USP46: variants seen among roughly 807,000 people sequenced by gnomAD.
USP46 encodes ubiquitin specific peptidase 46.
Under a neutral mutation model 44.4 loss-of-function variants are expected in USP46, and 12 were observed. That is an observed-to-expected ratio of 0.27 (90% CI 0.17 to 0.44). The LOEUF is 0.44. USP46 is among the 20% of genes least tolerant of loss of function. The pLI, the probability that USP46 is intolerant of heterozygous loss-of-function variation, is 1.00. For synonymous variants in USP46, 155 were observed against 161.5 expected (o/e 0.96, Z 0.31); for missense variants, 248 against 444.8 (o/e 0.56, Z 3.98).
At chr4:52,609,898 C>CTTTTTTTTTTTTTTTTTTTTTTTTTTT in intron 5 of USP46, among the ~76,000 whole-genome samples, 1 of 24,588 alleles carries the variant, frequency 4.1e-5, no homozygotes, top group Non-Finnish European at 8.2e-5. Context: ...AATTCTATTT[C>CTTTTTTTTTTTTTTTTTTTTTTTTTTT]TTTTTTTTTT....
intron 1 of USP46, among the ~76,000 whole-genome samples, chr4:52,642,795 A>G (rs1718395522): frequency 6.6e-6 from 1 of 152,210 alleles, no homozygotes; most frequent in Admixed American, 6.5e-5. Flanking sequence ...TTAAAATGCT[A>G]AAAGAGAAAA....
At chr4:52,613,766 G>T (rs1219007237) in intron 4 of USP46, among the ~76,000 whole-genome samples, 1 of 150,500 alleles carries the variant, frequency 6.6e-6, no homozygotes, top group Admixed American at 6.6e-5. Flanking sequence ...ACAGAATCCA[G>T]AGTCTCTGCC....
At position 52,594,490 on chromosome 4, in the gene USP46, C is replaced by G. The variant is rs929719557; in HGVS notation, c.*3150G>C. The stretch of plus-strand genomic sequence containing the variant: ...AATTTTCCCTGACCCATGCCACTTA[C>G]ATGAGTTCATTACAATAGTGCTGAT... On this transcript the variant is annotated 3_prime_UTR_variant, in exon 9 of 9. Transcript: ENST00000441222. 1 of 152,218 alleles carries G rather than the reference C, an allele frequency of 6.6e-6. No individual in the cohort carries two copies. Among genetic ancestry groups the G allele is most frequent in the East Asian group, 1.9e-4 (1 of 5,208 alleles). 9.4% of individuals were successfully genotyped at this position (152,218 alleles called of 1,614,324 possible).
At chr4:52,650,208 C>T (rs1266376359) in intron 1 of USP46, among the ~76,000 whole-genome samples, 1 of 152,164 alleles carries the variant, frequency 6.6e-6, no homozygotes, top group African/African-American at 2.4e-5. Flanking sequence ...CAAACTGCCC[C>T]TAAATAAGAG....
At chr4:52,657,992 G>C (rs1560417201) in intron 1 of USP46, among the ~76,000 whole-genome samples, 1 of 152,224 alleles carries the variant, frequency 6.6e-6, no homozygotes, top group East Asian at 1.9e-4. Context: ...CCTTACACCA[G>C]GGCTTCTCCA....
intron 1 of USP46, 136 bp downstream of exon 1, chr4:52,658,979 G>A: frequency 2.7e-6 from 3 of 1,094,014 alleles, no homozygotes; most frequent in Non-Finnish European, 3.6e-6. Context: ...CGCCCAGCTC[G>A]GGGGCCGGGA....
chr4:52,623,835 A>C (rs1717473728), intron 4 of USP46, among the ~76,000 whole-genome samples: 1 of 152,106 alleles, frequency 6.6e-6, no homozygotes, highest in African/African-American at 2.4e-5. Flanking sequence ...CAGGAGAATC[A>C]CTTGAACCCG....
intron 1 of USP46, among the ~76,000 whole-genome samples, chr4:52,637,577 T>C (rs1365864779): frequency 6.6e-6 from 1 of 152,124 alleles, no homozygotes; most frequent in African/African-American, 2.4e-5. Context: ...TGCCCATCCA[T>C]CACTGTCCTA....
intron 1 of USP46, among the ~76,000 whole-genome samples, chr4:52,646,284 G>A (rs537374419): frequency 1.5e-4 from 23 of 152,230 alleles, no homozygotes; most frequent in Admixed American, 2.6e-4. Flanking sequence ...CCCGGCCCTC[G>A]GGAACCAGTC....
intron 1 of USP46, among the ~76,000 whole-genome samples, chr4:52,638,229 G>C (rs184784753): frequency 1.3e-5 from 2 of 152,236 alleles, no homozygotes; most frequent in South Asian, 2.1e-4. Flanking sequence ...AATCAGTGAC[G>C]GGACGTGACA....
rs558364418 is a variant in USP46, at chr4:52,644,285, C to T, written c.37-13141G>A. The stretch of plus-strand genomic sequence containing the variant: ...ACACCATTATTCCACAACCCTGGCT[C>T]CTGTTTCAACAGCCCACTCCTCTCC... On this transcript the variant is annotated intron_variant, in intron 1 of 8. Coordinates refer to ENST00000441222, the MANE Select transcript of USP46 (RefSeq NM_022832.4). 2.7e-4 allele frequency among the ~76,000 whole-genome samples: 41 copies of T among 152,270 alleles called. 1 individual carries two copies. In the South Asian group the frequency reaches 8.3e-3, roughly 31 times the overall value.
chr4:52,625,875 TTGAG>T (rs779513887), intron 4 of USP46, 139 bp downstream of exon 4: 1 of 860,490 alleles, frequency 1.2e-6, no homozygotes, highest in Non-Finnish European at 1.8e-6. Context: ...AAGTTTGTAC[TTGAG>T]TTTCATATGC....
chr4:52,613,960 G>A lies in USP46; in HGVS notation c.562-3343C>T, dbSNP rs377054706. Reference sequence around the variant, plus strand: ...ATCATCAGTAAAATAAAATATACTCGCAATGCATCAAAAAACGTGAAACCC... The same window carrying A: ...ATCATCAGTAAAATAAAATATACTCACAATGCATCAAAAAACGTGAAACCC... On this transcript the variant is annotated intron_variant, in intron 4 of 8. Coordinates refer to ENST00000441222, the MANE Select transcript of USP46 (RefSeq NM_022832.4). Among the ~76,000 whole-genome samples, 25 of 151,990 alleles carry A rather than the reference G, an allele frequency of 1.6e-4. No individual in the cohort carries two copies. In the South Asian group the frequency reaches 1.7e-3, roughly 10 times the overall value.
chr4:52,618,409 GA>G (rs372617576), intron 4 of USP46, among the ~76,000 whole-genome samples: 46 of 152,120 alleles, frequency 3.0e-4, no homozygotes, highest in African/African-American at 9.2e-4. Context: ...AAAAGCGCTT[GA>G]ACCCAGGAAG....
chr4:52,646,635 C>A, intron 1 of USP46, among the ~76,000 whole-genome samples: 1 of 151,978 alleles, frequency 6.6e-6, no homozygotes, highest in South Asian at 2.1e-4. Flanking sequence ...CTAGTTATTC[C>A]TTTTTATTGT....
Position 52,597,350 on chromosome 4 carries a change from G to T in USP46, c.*290C>A. On this transcript the variant is annotated 3_prime_UTR_variant, in exon 9 of 9. Transcript: ENST00000441222. ...TCATAGGAAATGTCATTCTAATACA[G>T]CCAGACATAATGAATGGCATAGCTT... 3.3e-6 allele frequency: 1 copy of T among 305,324 alleles called. No homozygotes were observed. The highest frequency in any genetic ancestry group is 4.0e-5 in the South Asian group (1 of 24,842). The allele number at this position is 305,324 out of a possible 1,614,324, so 18.9% of individuals were successfully genotyped here.
At chr4:52,632,990 A>AAAAGAAAAAG (rs1717961084) in intron 1 of USP46, among the ~76,000 whole-genome samples, 6 of 66,290 alleles carry the variant, frequency 9.1e-5, no homozygotes, top group South Asian at 5.9e-4. Context: ...GAAAGAAAAG[A>AAAAGAAAAAG]AAAGAAAGAA....
intron 3 of USP46, among the ~76,000 whole-genome samples, chr4:52,627,539 G>A (rs141449624): frequency 3.7e-4 from 57 of 152,266 alleles, no homozygotes; most frequent in Admixed American, 8.5e-4. Flanking sequence ...AACAGCAGAG[G>A]CTCTGATTAG....
intron 4 of USP46, among the ~76,000 whole-genome samples, chr4:52,611,765 G>A (rs947991873): frequency 2.0e-5 from 3 of 152,070 alleles, no homozygotes; most frequent in South Asian, 2.1e-4. Context: ...GCACATGCCT[G>A]TAAAAATCCC....
Sources: gnomAD v4.1 joint callset for allele counts (sites outside exome capture counted in the v4.1 genomes callset) on GRCh38, gnomAD v4.1.1 for gene constraint, MANE v1.5 for transcripts, NCBI Gene and HGNC (gene_info 2026-07-23, HGNC 2026-07-21) for gene names.